Variants in TMEM178B observed in about 807,000 individuals in gnomAD.
TMEM178B encodes transmembrane protein 178B.
Under a neutral mutation model 31.0 loss-of-function variants are expected in TMEM178B, and 5 were observed. That is an observed-to-expected ratio of 0.16 (90% CI 0.08 to 0.34). The LOEUF is 0.34. TMEM178B is among the 10% of genes least tolerant of loss of function. The pLI, the probability that TMEM178B is intolerant of heterozygous loss-of-function variation, is 1.00. For synonymous variants in TMEM178B, 164 were observed against 164.0 expected (o/e 1.00, Z 0.00); for missense variants, 275 against 400.3 (o/e 0.69, Z 2.67).
intron 2 of TMEM178B, among the ~76,000 whole-genome samples, chr7:141,353,068 A>C (rs17490977): frequency 0.17 from 26,309 of 152,122 alleles, 2,433 homozygotes; most frequent in Admixed American, 0.23. Context: ...TTTTGCTTTT[A>C]AATGCCTCCT....
At chr7:141,217,695 G>C (rs1193412027) in intron 2 of TMEM178B, among the ~76,000 whole-genome samples, 2 of 152,176 alleles carry the variant, frequency 1.3e-5, no homozygotes, top group African/African-American at 4.8e-5. Flanking sequence ...TTGATCTGCT[G>C]ATCTGCTGGG....
intron 3 of TMEM178B, among the ~76,000 whole-genome samples, chr7:141,442,274 T>G (rs1042328502): frequency 6.6e-6 from 1 of 152,084 alleles, no homozygotes; most frequent in Non-Finnish European, 1.5e-5. Flanking sequence ...CCTCCCCGAA[T>G]CAGGTCTAAG....
intron 2 of TMEM178B, among the ~76,000 whole-genome samples, chr7:141,283,969 C>T (rs1200214914): frequency 6.6e-6 from 1 of 152,168 alleles, no homozygotes; most frequent in African/African-American, 2.4e-5. Flanking sequence ...AATAACTCAG[C>T]AGAACTGTTA....
intron 2 of TMEM178B, among the ~76,000 whole-genome samples, chr7:141,362,629 A>G (rs1799935423): frequency 6.6e-6 from 1 of 152,208 alleles, no homozygotes; most frequent in African/African-American, 2.4e-5. Flanking sequence ...TCTAAGAATC[A>G]TCACTCTGTG....
chr7:141,332,271 A>C (rs1236833574), intron 2 of TMEM178B, among the ~76,000 whole-genome samples: 1 of 152,252 alleles, frequency 6.6e-6, no homozygotes, highest in East Asian at 1.9e-4. Context: ...TTTTAATTAC[A>C]TACATTATAT....
In TMEM178B at chr7:141,160,869, T is replaced by C. The variant is rs187745659; in HGVS notation, c.383-51722T>C. 2.0e-5 allele frequency among the ~76,000 whole-genome samples: 3 copies of C among 152,304 alleles called. No homozygotes were observed. The South Asian group carries it at 6.2e-4, about 32-fold the overall frequency. On this transcript the variant is annotated intron_variant, in intron 1 of 3. Transcript: ENST00000565468. ...TTTTATTGGATTTCTTTTTCTTTGT[T>C]TTTTTGAGACGGAGTTTTGCTCTTG...
chr7:141,287,314 A>G (rs1170529143), intron 2 of TMEM178B, among the ~76,000 whole-genome samples: 1 of 152,066 alleles, frequency 6.6e-6, no homozygotes, highest in South Asian at 2.1e-4. Context: ...ACATTTTATT[A>G]TTGGTCTTAT....
intron 1 of TMEM178B, among the ~76,000 whole-genome samples, chr7:141,149,238 C>T (rs1290932601): frequency 6.6e-6 from 1 of 152,140 alleles, no homozygotes; most frequent in Non-Finnish European, 1.5e-5. Context: ...ACCCCTGGCA[C>T]CTGTGAATGT....
chr7:141,149,097 G>C (rs1459570774), intron 1 of TMEM178B, among the ~76,000 whole-genome samples: 1 of 152,170 alleles, frequency 6.6e-6, no homozygotes, highest in African/African-American at 2.4e-5. Context: ...TTTGTGCTAA[G>C]GTTTTGTTGT....
the TMEM178B span, among the ~76,000 whole-genome samples, chr7:141,505,532 T>C: frequency 6.6e-6 from 1 of 152,226 alleles, no homozygotes; most frequent in Admixed American, 6.5e-5. Flanking sequence ...TGGGCAGGTC[T>C]TCAGATTTGT....
chr7:141,389,186 G>T lies in TMEM178B; in HGVS notation c.497-48422G>T, dbSNP rs10259654. On this transcript the variant is annotated intron_variant, in intron 2 of 3. Transcript: ENST00000565468. The stretch of plus-strand genomic sequence containing the variant: ...ACTTCTTCCAGATACCACTACTCAC[G>T]TTAGGTTCAAGAGGTACAAGTACAG... Among the ~76,000 whole-genome samples the T allele has an allele frequency of 1.4e-4, 22 of 152,224 alleles. 1 individual carries two copies. The South Asian group carries it at 4.6e-3, about 32-fold the overall frequency.
intron 1 of TMEM178B, among the ~76,000 whole-genome samples, chr7:141,174,146 C>T (rs546044625): frequency 6.6e-6 from 1 of 151,958 alleles, no homozygotes; most frequent in South Asian, 2.1e-4. Flanking sequence ...CAGTGTGTGA[C>T]GTTCCCCTCC....
chr7:141,198,322 G>A (rs1387954987), intron 1 of TMEM178B, among the ~76,000 whole-genome samples: 1 of 152,206 alleles, frequency 6.6e-6, no homozygotes, highest in Admixed American at 6.5e-5. Context: ...GGCCAGCAGA[G>A]TGTCTGCCAT....
chr7:141,455,960 G>A (rs962965669), intron 3 of TMEM178B, among the ~76,000 whole-genome samples: 3 of 152,248 alleles, frequency 2.0e-5, no homozygotes, highest in Non-Finnish European at 4.4e-5. Context: ...TAGGGCAGAA[G>A]CCGGAGAGAT....
At chr7:141,444,174 G>A (rs114156195) in intron 3 of TMEM178B, among the ~76,000 whole-genome samples, 4,078 of 152,158 alleles carry the variant, frequency 0.027, 185 homozygotes, top group African/African-American at 0.092. Context: ...TGGGTGCTAG[G>A]TATCTGAAAT....
chr7:141,259,645 G>T (rs1221110166), intron 2 of TMEM178B, among the ~76,000 whole-genome samples: 2 of 152,110 alleles, frequency 1.3e-5, no homozygotes, highest in African/African-American at 4.8e-5. Flanking sequence ...CTGTCTCCCC[G>T]ACAATACGTA....
intron 3 of TMEM178B, among the ~76,000 whole-genome samples, chr7:141,445,141 T>C (rs902936251): frequency 2.6e-5 from 4 of 152,098 alleles, no homozygotes; most frequent in African/African-American, 9.7e-5. Context: ...GGCTATTATG[T>C]GTGAGTGATT....
chr7:141,428,368 C>CAAAAAAA (rs1491261666), intron 2 of TMEM178B, among the ~76,000 whole-genome samples: 1 of 25,594 alleles, frequency 3.9e-5, no homozygotes, highest in Non-Finnish European at 7.7e-5. Flanking sequence ...GACTCCACCT[C>CAAAAAAA]AAAAAAAAAA....
At chr7:141,491,787 G>A in the TMEM178B span, among the ~76,000 whole-genome samples, 1 of 152,126 alleles carries the variant, frequency 6.6e-6, no homozygotes, top group Non-Finnish European at 1.5e-5. Context: ...CCCTACTAAA[G>A]AGAATAAACA....
Sources: gnomAD v4.1 joint callset for allele counts (sites outside exome capture counted in the v4.1 genomes callset) on GRCh38, gnomAD v4.1.1 for gene constraint, MANE v1.5 for transcripts, NCBI Gene and HGNC (gene_info 2026-07-23, HGNC 2026-07-21) for gene names.